Variants in SNAP91 observed in about 807,000 individuals in gnomAD.
SNAP91 encodes clathrin coat assembly protein AP180.
A neutral mutation model predicts 100.3 loss-of-function variants in SNAP91; 27 were observed. The observed-to-expected ratio is 0.27, with a 90% confidence interval of 0.20 to 0.37. SNAP91 has a LOEUF of 0.37. Among genes scored for constraint, SNAP91 ranks in the 10% least tolerant of loss-of-function variants. The pLI, the probability that SNAP91 is intolerant of heterozygous loss-of-function variation, is 1.00. For missense variants in SNAP91, 986 were observed against 1,123.7 expected (o/e 0.88, Z 1.75); for synonymous variants, 404 against 398.6 (o/e 1.01, Z -0.16).
chr6:83,592,323 C>T (rs1053221110), intron 21 of SNAP91, 132 bp downstream of exon 21: 1 of 559,694 alleles, frequency 1.8e-6, no homozygotes, highest in Admixed American at 3.3e-5. Context: ...ATCTTAAAAA[C>T]TTAAGTTTAC....
chr6:83,656,298 CT>C (rs1281896373), intron 7 of SNAP91, among the ~76,000 whole-genome samples: 2 of 152,098 alleles, frequency 1.3e-5, no homozygotes, highest in Admixed American at 1.3e-4. Flanking sequence ...CAGAGGGCGG[CT>C]AAGAGAACTC....
chr6:83,664,061 A>G (rs1411943672), intron 3 of SNAP91, among the ~76,000 whole-genome samples: 1 of 152,134 alleles, frequency 6.6e-6, no homozygotes, highest in Non-Finnish European at 1.5e-5. Flanking sequence ...AGTATGGTTT[A>G]CTGAATATTT....
At chr6:83,629,832 T>C (rs891368854) in intron 8 of SNAP91, among the ~76,000 whole-genome samples, 12 of 152,086 alleles carry the variant, frequency 7.9e-5, no homozygotes, top group Non-Finnish European at 1.6e-4. Flanking sequence ...TTTACCAATT[T>C]GGATGCCATT....
intron 16 of SNAP91, 149 bp downstream of exon 16, chr6:83,601,122 A>T: frequency 1.5e-6 from 1 of 656,044 alleles, no homozygotes; most frequent in Non-Finnish European, 2.6e-6. Flanking sequence ...TGATGAATTT[A>T]GTGAAGATAA....
intron 9 of SNAP91, among the ~76,000 whole-genome samples, chr6:83,619,025 CA>C (rs1359994625): frequency 6.6e-6 from 1 of 151,114 alleles, no homozygotes; most frequent in African/African-American, 2.4e-5. Context: ...AAAAACAAAA[CA>C]AAAAACCCAG....
rs902214782 is a variant in SNAP91, at chr6:83,560,016, G to A, written c.2631+88C>T. The A allele has an allele frequency of 1.7e-5, 19 of 1,133,732 alleles. No individual in the cohort carries two copies. In the East Asian group the frequency reaches 4.5e-4, roughly 27 times the overall value. 70.2% of individuals were successfully genotyped at this position (1,133,732 alleles called of 1,614,324 possible). A position where few individuals can be genotyped will look rare whatever the true frequency, so the allele number is the denominator to read the frequency against. On this transcript the variant is annotated intron_variant, in intron 28 of 29. Coordinates refer to ENST00000369694, the MANE Select transcript of SNAP91 (RefSeq NM_001242792.2). ...GCAACAGGTATGAGGATTACATTAG[G>A]TAAAAACACTTTTTAAACAGTTTGC...
chr6:83,663,594 G>A (rs1414698820), intron 3 of SNAP91, among the ~76,000 whole-genome samples: 1 of 152,112 alleles, frequency 6.6e-6, no homozygotes, highest in Non-Finnish European at 1.5e-5. Flanking sequence ...AGGGCTGAGA[G>A]AGGTGAGGAA....
rs1319437161 is a variant in SNAP91 at position 83,665,558 on chromosome 6, T to C, written c.154A>G (p.Thr52Ala). The change falls in exon 3 of 30, where the codon ACC becomes GCC. Residue 52 changes from threonine to alanine, a missense_variant. By Grantham distance (58) the Thr-to-Ala change is moderately conservative. This residue lies in a region of SNAP91 where 330 missense variants were observed against 447.5 expected (regional missense o/e 0.74). Transcript: ENST00000369694. ...GCCATCTGAGGAATATTAACATTGGTCTCGTTGGTAGCCTGGATCAAATCT... is the reference window on the plus strand; with the variant it reads ...GCCATCTGAGGAATATTAACATTGGCCTCGTTGGTAGCCTGGATCAAATCT... ...LDYLIQATNE[T>A]NVNIPQMADT... 6.2e-7 allele frequency: 1 copy of C among 1,612,240 alleles called. No individual in the cohort carries two copies. The highest frequency in any genetic ancestry group is 8.5e-7 in the Non-Finnish European group (1 of 1,179,082).
chr6:83,682,524 ATTCT>A (rs1366518508), intron 2 of SNAP91, among the ~76,000 whole-genome samples: 1 of 151,388 alleles, frequency 6.6e-6, no homozygotes, highest in African/African-American at 2.4e-5. Flanking sequence ...TTATTTCTTT[ATTCT>A]TTCTATTATA....
chr6:83,623,141 C>G (rs1288679142), intron 9 of SNAP91, among the ~76,000 whole-genome samples, 160 bp downstream of exon 9: 4 of 152,092 alleles, frequency 2.6e-5, no homozygotes, highest in Non-Finnish European at 4.4e-5. Context: ...GAAATATATT[C>G]AATGGCTAGA....
intron 2 of SNAP91, chr6:83,686,209 C>A (rs2099058135): frequency 1.0e-6 from 1 of 985,244 alleles, no homozygotes. Context: ...TACTTGAGTT[C>A]TTCCTGCACC....
At chr6:83,578,097 C>A (rs541310014) in intron 24 of SNAP91, among the ~76,000 whole-genome samples, 1 of 152,034 alleles carries the variant, frequency 6.6e-6, no homozygotes, top group African/African-American at 2.4e-5. Context: ...GTAGATATAT[C>A]ATTTTTTTTT....
intron 2 of SNAP91, among the ~76,000 whole-genome samples, chr6:83,681,326 G>A (rs1209116745): frequency 6.6e-6 from 1 of 152,068 alleles, no homozygotes; most frequent in African/African-American, 2.4e-5. Flanking sequence ...ATTTTCACCA[G>A]GAGCAGTCAC....
intron 16 of SNAP91, among the ~76,000 whole-genome samples, chr6:83,596,123 T>C (rs1026397771): frequency 2.6e-5 from 4 of 152,170 alleles, no homozygotes; most frequent in African/African-American, 4.8e-5. Context: ...GGCAATATCA[T>C]AGCTCACTAT....
intron 8 of SNAP91, among the ~76,000 whole-genome samples, chr6:83,632,617 A>G (rs2097255597): frequency 6.6e-6 from 1 of 152,136 alleles, no homozygotes; most frequent in Non-Finnish European, 1.5e-5. Context: ...AGATTGGGTT[A>G]ATTTGAAGAC....
rs1159880189 is a variant in SNAP91, at chr6:83,591,240, C to T, written c.1985G>A (p.Ser662Asn). ...EPQPASQAAS[S>N]SSASADLLAG... is the part of the protein sequence containing the mutation. Reference sequence around the variant, plus strand: ...TAGTAGGTCTGCCGATGCTGATGAACTAGAAGCAGCCTGAGATGCAGGTTG... The same window carrying T: ...TAGTAGGTCTGCCGATGCTGATGAATTAGAAGCAGCCTGAGATGCAGGTTG... The change falls in exon 22 of 30, where the codon AGT becomes AAT. Residue 662 changes from serine (S) to asparagine (N), a missense_variant. This residue lies in a region of SNAP91 where 575 missense variants were observed against 579.9 expected (regional missense o/e 0.99). Transcript: ENST00000369694. 1 of 1,612,512 alleles carries T rather than the reference C, an allele frequency of 6.2e-7. No homozygotes were observed.
Position 83,650,765 on chromosome 6 carries a change from T to C in SNAP91, c.658+5989A>G, listed in dbSNP as rs533169856. On this transcript the variant is annotated intron_variant, in intron 7 of 29. Coordinates refer to ENST00000369694, the MANE Select transcript of SNAP91 (RefSeq NM_001242792.2). ...TTTGGTTTTGAGGTTAAGGTAATGCTGGCCTCATAAAAGGAGTTAAGAAGA... is the reference window on the plus strand; with the variant it reads ...TTTGGTTTTGAGGTTAAGGTAATGCCGGCCTCATAAAAGGAGTTAAGAAGA... 1.3e-3 allele frequency among the ~76,000 whole-genome samples: 197 copies of C among 152,322 alleles called. 1 individual carries two copies. The highest frequency in any genetic ancestry group is 4.6e-3 in the African/African-American group (190 of 41,566).
chr6:83,648,381 G>GT (rs143847371), intron 7 of SNAP91, among the ~76,000 whole-genome samples: 1,670 of 147,420 alleles, frequency 0.011, 28 homozygotes, highest in African/African-American at 0.039. Context: ...TTTCTTTATG[G>GT]TTTTTTTTTT....
chr6:83,573,783 C>A (rs896888204), intron 26 of SNAP91, among the ~76,000 whole-genome samples: 1 of 152,138 alleles, frequency 6.6e-6, no homozygotes, highest in Non-Finnish European at 1.5e-5. Flanking sequence ...CTTCCTTACA[C>A]CTTATACAAA....
Sources: gnomAD v4.1 joint callset for allele counts (sites outside exome capture counted in the v4.1 genomes callset) on GRCh38, gnomAD v4.1.1 for gene constraint, gnomAD v4.1.1 regional missense constraint, MANE v1.5 for transcripts, NCBI Gene and HGNC (gene_info 2026-07-23, HGNC 2026-07-21) for gene names.